PTPRG: variants seen among roughly 807,000 people sequenced by gnomAD.
The protein encoded by PTPRG is protein tyrosine phosphatase receptor type G, also known as receptor-type tyrosine-protein phosphatase gamma.
A neutral mutation model predicts 165.3 loss-of-function variants in PTPRG; 102 were observed. The ratio of observed to expected loss-of-function variants is 0.62; its 90% CI spans 0.53 to 0.73. PTPRG has a LOEUF of 0.73. Ranked by LOEUF, PTPRG falls within the 30% of genes least tolerant of loss-of-function variation. The pLI, the probability that PTPRG is intolerant of heterozygous loss-of-function variation, is 0.00. For synonymous variants in PTPRG, 675 were observed against 669.5 expected, an observed-to-expected ratio of 1.01 and a Z score of -0.13; for missense variants, 1,866 against 1,861.4, an observed-to-expected ratio of 1.00 and a Z score of -0.05.
At chr3:62,293,133 C>A in intron 29 of PTPRG, 28 bp from the exon 30 acceptor site, 1 of 1,521,076 alleles carries the variant, frequency 6.6e-7, no homozygotes, top group South Asian at 1.3e-5. Context: ...TGTTCTTTGG[C>A]TCAAACTGTC....
At chr3:61,863,346 T>C (rs2037323968) in intron 2 of PTPRG, among the ~76,000 whole-genome samples, 1 of 152,250 alleles carries the variant, frequency 6.6e-6, no homozygotes. Context: ...GGTAGGTATA[T>C]AGGCATTTGC....
intron 4 of PTPRG, among the ~76,000 whole-genome samples, chr3:62,047,263 T>TTATGTATTTATTTATG (rs36041942): frequency 1.3e-5 from 2 of 149,958 alleles, no homozygotes; most frequent in South Asian, 2.1e-4. Flanking sequence ...ATTTATTTAT[T>TTATGTATTTATTTATG]TATTTATTTT....
intron 1 of PTPRG, among the ~76,000 whole-genome samples, chr3:61,577,686 A>G (rs1017984513): frequency 6.6e-6 from 1 of 152,124 alleles, no homozygotes; most frequent in Non-Finnish European, 1.5e-5. Context: ...CTCGCATTGT[A>G]TTTTTATCGG....
intron 1 of PTPRG, among the ~76,000 whole-genome samples, chr3:61,738,626 A>G (rs957297960): frequency 6.6e-5 from 10 of 151,462 alleles, no homozygotes; most frequent in Non-Finnish European, 8.8e-5. Context: ...GCTCACTGCA[A>G]GCTTATTTCT....
intron 1 of PTPRG, among the ~76,000 whole-genome samples, chr3:61,654,613 T>C (rs932127784): frequency 6.6e-6 from 1 of 151,908 alleles, no homozygotes; most frequent in Admixed American, 6.5e-5. Context: ...CTTGAACTCC[T>C]GAGCTCAGGC....
At chr3:61,805,577 T>C (rs2035389812) in intron 2 of PTPRG, among the ~76,000 whole-genome samples, 1 of 149,474 alleles carries the variant, frequency 6.7e-6, no homozygotes, top group African/African-American at 2.5e-5. Flanking sequence ...GCACAAGTTA[T>C]CCACTGATGA....
chr3:61,894,076 G>C (rs940690030), intron 2 of PTPRG, among the ~76,000 whole-genome samples: 2 of 151,978 alleles, frequency 1.3e-5, no homozygotes, highest in Non-Finnish European at 2.9e-5. Context: ...GGCTGAGGTG[G>C]GCAGATCACT....
At chr3:62,008,116 A>G (rs1193766402) in intron 4 of PTPRG, among the ~76,000 whole-genome samples, 4 of 152,142 alleles carry the variant, frequency 2.6e-5, no homozygotes, top group African/African-American at 7.2e-5. Context: ...CTTTTTTCCT[A>G]TTCCACACTC....
rs907975067 is a variant in PTPRG at position 62,273,633 on chromosome 3, A to G, written c.3319-65A>G. 5 of 1,515,652 alleles carry G rather than the reference A, an allele frequency of 3.3e-6. No individual in the cohort carries two copies. The African/African-American group carries it at 5.5e-5, about 17-fold the overall frequency. The allele number at this position is 1,515,652 out of a possible 1,614,324, so 93.9% of individuals were successfully genotyped here. A position where few individuals can be genotyped will look rare whatever the true frequency, so the allele number is the denominator to read the frequency against. ...TAGCAGCAGAATTAAACTAAGGTAC[A>G]CTTCATGAATGAGTGGCTAACCCTT... On this transcript the variant is annotated intron_variant, in intron 22 of 29. Coordinates refer to ENST00000474889, the MANE Select transcript of PTPRG (RefSeq NM_002841.4). The surrounding 1 kb of genome is among the most constrained non-coding windows in gnomAD (Gnocchi z 4.1).
chr3:61,945,515 C>T lies in PTPRG; in HGVS notation c.191-44110C>T, dbSNP rs563233200. ...TGGCGGTTGCAGTGAGCCAAGATGGCGCTACTGCACTCCAGCCTGGGCAAT... is the reference window on the plus strand; with the variant it reads ...TGGCGGTTGCAGTGAGCCAAGATGGTGCTACTGCACTCCAGCCTGGGCAAT... On this transcript the variant is annotated intron_variant, in intron 2 of 29. Coordinates refer to ENST00000474889, the MANE Select transcript of PTPRG (RefSeq NM_002841.4). Among the ~76,000 whole-genome samples, 12 of 127,382 alleles carry T rather than the reference C, an allele frequency of 9.4e-5. No individual in the cohort carries two copies. The East Asian group carries it at 1.0e-3, about 11-fold the overall frequency. The allele number at this position is 127,382 out of a possible 152,430, so 83.6% of individuals were successfully genotyped here.
At chr3:61,790,108 G>C (rs1327495556) in intron 2 of PTPRG, among the ~76,000 whole-genome samples, 1 of 152,178 alleles carries the variant, frequency 6.6e-6, no homozygotes, top group African/African-American at 2.4e-5. Context: ...GGAGTAGACT[G>C]GTGTGATCAC....
intron 1 of PTPRG, among the ~76,000 whole-genome samples, chr3:61,638,734 A>G (rs1701987698): frequency 6.6e-6 from 1 of 150,784 alleles, no homozygotes; most frequent in Non-Finnish European, 1.5e-5. Flanking sequence ...CACCGTGCCC[A>G]GCCTTGCCAT....
intron 2 of PTPRG, among the ~76,000 whole-genome samples, chr3:61,958,810 A>G (rs2040089579): frequency 6.6e-6 from 1 of 152,182 alleles, no homozygotes. Context: ...CTATAAAAGA[A>G]CTCTCATTGT....
intron 29 of PTPRG, 136 bp downstream of exon 29, chr3:62,292,692 T>C: frequency 2.1e-6 from 2 of 940,912 alleles, no homozygotes; most frequent in Non-Finnish European, 3.2e-6. Flanking sequence ...ACTTTTTTGC[T>C]TGTCACAACT....
intron 5 of PTPRG, among the ~76,000 whole-genome samples, chr3:62,120,340 A>G (rs1397603073): frequency 6.6e-6 from 1 of 152,240 alleles, no homozygotes; most frequent in Non-Finnish European, 1.5e-5. Flanking sequence ...AGAATCTTCC[A>G]GAATTTTGGG....
intron 28 of PTPRG, among the ~76,000 whole-genome samples, chr3:62,283,781 C>T (rs1010482172): frequency 1.3e-5 from 2 of 152,086 alleles, no homozygotes; most frequent in East Asian, 1.9e-4. Flanking sequence ...AGCTCAGCAC[C>T]TTCACCTCAA....
At chr3:61,918,989 A>T (rs2039009808) in intron 2 of PTPRG, among the ~76,000 whole-genome samples, 1 of 152,100 alleles carries the variant, frequency 6.6e-6, no homozygotes, top group East Asian at 1.9e-4. Flanking sequence ...TGAGGGTGGG[A>T]CTAGGCAATC....
intron 2 of PTPRG, among the ~76,000 whole-genome samples, chr3:61,801,270 C>A (rs2035232635): frequency 6.6e-6 from 1 of 150,976 alleles, no homozygotes. Context: ...GTACAGACCA[C>A]TGGGGAGGGT....
In PTPRG at chr3:62,269,258, C is replaced by T. The variant is rs939867097; in HGVS notation, c.3009+89C>T. On this transcript the variant is annotated intron_variant, in intron 20 of 29. Transcript: ENST00000474889. Reference sequence around the variant, plus strand: ...TACAACCAAGGCCAAATCTCATAACCAACTTGGTTTTTAAAAAGTATTTTT... The same window carrying T: ...TACAACCAAGGCCAAATCTCATAACTAACTTGGTTTTTAAAAAGTATTTTT... The T allele has an allele frequency of 9.7e-6, 13 of 1,333,946 alleles. No homozygotes were observed. The South Asian group carries it at 2.4e-4, about 25-fold the overall frequency. The allele number at this position is 1,333,946 out of a possible 1,614,324, so 82.6% of individuals were successfully genotyped here.
Sources: allele counts gnomAD v4.1 joint callset (sites outside exome capture counted in the v4.1 genomes callset), GRCh38; gene constraint gnomAD v4.1.1; non-coding constraint Gnocchi (gnomAD v3.1); transcripts MANE v1.5; gene names NCBI Gene and HGNC (gene_info 2026-07-23, HGNC 2026-07-21).